HSPA12A: variants seen among roughly 807,000 people sequenced by gnomAD.
HSPA12A encodes heat shock 70 kDa protein 12A.
In HSPA12A, 28 loss-of-function variants were observed where a neutral mutation model predicts 69.2. That is an observed-to-expected ratio of 0.40 (90% CI 0.30 to 0.55). The LOEUF is 0.55. HSPA12A is among the 20% of genes least tolerant of loss of function. The pLI is 0.38. For synonymous variants in HSPA12A, 345 were observed against 370.5 expected (o/e 0.93, Z 0.79); for missense variants, 686 against 900.7 (o/e 0.76, Z 3.05).
Position 116,761,543 on chromosome 10 carries a change from C to T in HSPA12A, c.92-54258G>A, listed in dbSNP as rs1038864765. On this transcript the variant is annotated intron_variant, in intron 2 of 12. Coordinates refer to the HSPA12A transcript ENST00000635765. ...GGCTAACTAGTGAGGAACTCATCTA[C>T]GTAGTGAAGAACTCATCTAAAAAAA... is the stretch of plus-strand genomic sequence containing the variant. 7.5e-5 allele frequency among the ~76,000 whole-genome samples: 11 copies of T among 146,282 alleles called. No individual in the cohort carries two copies. In the East Asian group the frequency reaches 1.8e-3, roughly 24 times the overall value.
chr10:116,704,929 C>G (rs1850194991), intron 3 of HSPA12A, among the ~76,000 whole-genome samples: 2 of 152,232 alleles, frequency 1.3e-5, no homozygotes, highest in East Asian at 3.8e-4. Flanking sequence ...GGCCCCTCCC[C>G]AGACCAACTA....
chr10:116,790,983 A>C (rs1017538353), intron 2 of HSPA12A, among the ~76,000 whole-genome samples: 1 of 152,166 alleles, frequency 6.6e-6, no homozygotes, highest in African/African-American at 2.4e-5. Context: ...GAGCCACTGC[A>C]CCTGGCCCGT....
At chr10:116,837,648 G>C (rs1000217077) in intron 1 of HSPA12A, among the ~76,000 whole-genome samples, 1 of 152,100 alleles carries the variant, frequency 6.6e-6, no homozygotes, top group African/African-American at 2.4e-5. Flanking sequence ...TTAGAATTTA[G>C]AGACTGGGGA....
At chr10:116,788,231 C>A (rs1463056357) in intron 2 of HSPA12A, among the ~76,000 whole-genome samples, 4 of 152,214 alleles carry the variant, frequency 2.6e-5, no homozygotes, top group African/African-American at 9.6e-5. Flanking sequence ...CAACATCCTG[C>A]AAACGCCGCC....
intron 2 of HSPA12A, chr10:116,750,236 T>C (rs782733975): frequency 3.8e-6 from 3 of 784,456 alleles, no homozygotes; most frequent in Non-Finnish European, 6.7e-6. Flanking sequence ...TCTCAATAGG[T>C]CTGGCATGGG....
chr10:116,817,215 C>T (rs1158357617), intron 2 of HSPA12A, among the ~76,000 whole-genome samples: 3 of 152,026 alleles, frequency 2.0e-5, no homozygotes, highest in Non-Finnish European at 1.5e-5. Context: ...AAACTTCTAC[C>T]GCCAGTGGCT....
intron 1 of HSPA12A, among the ~76,000 whole-genome samples, chr10:116,736,907 C>T (rs1554886483): frequency 6.6e-6 from 1 of 152,198 alleles, no homozygotes; most frequent in East Asian, 1.9e-4. Context: ...AACAAATGTA[C>T]TGGATAATTC....
chr10:116,761,680 C>T (rs917829967), intron 2 of HSPA12A, among the ~76,000 whole-genome samples: 12 of 151,884 alleles, frequency 7.9e-5, no homozygotes, highest in South Asian at 2.1e-4. Context: ...ACTCCAGCCT[C>T]GGTGACACAG....
intron 2 of HSPA12A, among the ~76,000 whole-genome samples, chr10:116,705,562 T>C (rs1850218036): frequency 6.6e-6 from 1 of 152,196 alleles, no homozygotes; most frequent in Non-Finnish European, 1.5e-5. Flanking sequence ...CGCACACGGC[T>C]AGTTACAGAA....
At chr10:116,849,964 G>T, upstream of HSPA12A, 1 of 699,470 alleles carries the variant, frequency 1.4e-6, no homozygotes, top group Non-Finnish European at 2.6e-6. Context: ...AGGAAAGAGG[G>T]CGCTAGGCGT....
chr10:116,789,867 G>A (rs1334760948), intron 2 of HSPA12A, among the ~76,000 whole-genome samples: 4 of 152,020 alleles, frequency 2.6e-5, no homozygotes, highest in Non-Finnish European at 2.9e-5. Flanking sequence ...CAGGTTCACC[G>A]GATGCCCAGA....
chr10:116,849,534 G>A, intron 1 of HSPA12A: 2 of 1,488,274 alleles, frequency 1.3e-6, no homozygotes, highest in South Asian at 2.7e-5. Context: ...GGGACCCCAG[G>A]CTAAACCCCG....
At chr10:116,804,601 A>C (rs113521770) in intron 2 of HSPA12A, among the ~76,000 whole-genome samples, 6 of 152,088 alleles carry the variant, frequency 3.9e-5, no homozygotes, top group South Asian at 4.1e-4. Context: ...CATTAGTGGG[A>C]GGAAATGTTC....
At chr10:116,741,282 G>A (rs1554887111) in intron 1 of HSPA12A, among the ~76,000 whole-genome samples, 2 of 152,270 alleles carry the variant, frequency 1.3e-5, no homozygotes, top group Admixed American at 1.3e-4. Flanking sequence ...CCGCAGGCCC[G>A]ACAGCAAGAC....
chr10:116,788,920 C>T (rs918433712), intron 2 of HSPA12A, among the ~76,000 whole-genome samples: 16 of 146,956 alleles, frequency 1.1e-4, no homozygotes, highest in Non-Finnish European at 2.1e-4. Flanking sequence ...GGCTGGAGTG[C>T]AGTGGCAAGA....
At position 116,712,977 on chromosome 10, in the gene HSPA12A, A is replaced by AATATATATATAT. The variant is rs56007651; in HGVS notation, c.41-5704_41-5693dup. Among the ~76,000 whole-genome samples, 785 of 80,692 alleles carry AATATATATATAT rather than the reference A, an allele frequency of 9.7e-3. 20 individuals are homozygous for AATATATATATAT. The highest frequency in any genetic ancestry group is 0.012 in the African/African-American group (206 of 17,808). The allele number at this position is 80,692 out of a possible 152,430, so 52.9% of individuals were successfully genotyped here. A position where few individuals can be genotyped will look rare whatever the true frequency, so the allele number is the denominator to read the frequency against. On this transcript the variant is annotated intron_variant, in intron 1 of 11. Transcript: ENST00000369209. ...TGGTACTTATGATTTTAAAAAATGC[A>AATATATATATAT]ATATATATATATATATATATATATA...
At chr10:116,813,890 A>T (rs1048819987) in intron 2 of HSPA12A, among the ~76,000 whole-genome samples, 8 of 152,150 alleles carry the variant, frequency 5.3e-5, no homozygotes, top group African/African-American at 1.9e-4. Context: ...CTTGTTGCTA[A>T]GAAAAAAAGA....
chr10:116,700,818 AT>A, intron 4 of HSPA12A, 124 bp downstream of exon 4: 1 of 824,302 alleles, frequency 1.2e-6, no homozygotes, highest in South Asian at 1.7e-5. Flanking sequence ...ATGGACACTG[AT>A]TTCTGCTTGG....
intron 2 of HSPA12A, among the ~76,000 whole-genome samples, chr10:116,784,871 A>G (rs1309682373): frequency 6.6e-6 from 1 of 152,176 alleles, no homozygotes; most frequent in African/African-American, 2.4e-5. Flanking sequence ...CGGAGCTGTC[A>G]GTCTGGGCTG....
Sources: gnomAD v4.1 joint callset for allele counts (sites outside exome capture counted in the v4.1 genomes callset) on GRCh38, gnomAD v4.1.1 for gene constraint, MANE v1.5 for transcripts, NCBI Gene and HGNC (gene_info 2026-07-23, HGNC 2026-07-21) for gene names.